The following FN1 variants were observed in gnomAD, a reference collection of about 807,000 sequenced individuals.
FN1 encodes fibronectin 1, also known as fibronectin.
Under a neutral mutation model 297.3 loss-of-function variants are expected in FN1, and 106 were observed. That is an observed-to-expected ratio of 0.36 (90% CI 0.30 to 0.42). The LOEUF is 0.42. FN1 is among the 10% of genes least tolerant of loss of function. FN1 has a pLI of 1.00. For synonymous variants in FN1, 1,149 were observed against 1,152.6 expected (o/e 1.00, Z 0.06); for missense variants, 2,690 against 3,124.9 (o/e 0.86, Z 3.32).
At chr2:215,421,953 T>A in intron 10 of FN1, 138 bp downstream of exon 10, 1 of 846,600 alleles carries the variant, frequency 1.2e-6, no homozygotes, top group Non-Finnish European at 2.0e-6. Context: ...TATCTTACCA[T>A]GCACAGTAGA....
rs2063220494 is a variant in FN1 at position 215,414,877 on chromosome 2, T to C, written c.1901A>G (p.Gln634Arg). 1 of 1,613,616 alleles carries C rather than the reference T, an allele frequency of 6.2e-7. No individual in the cohort carries two copies. The change falls in exon 13 of 46, where the codon CAG becomes CGG. Residue 634 changes from glutamine to arginine, a missense_variant. Around this residue, in one of 3 missense-constraint regions of FN1, gnomAD observed 876 missense variants for 1,058.1 expected, o/e 0.83. Transcript: ENST00000354785. ...NSHPIQWNAP[Q>R]PSHISKYILR... ...AATGTACTTGGAAATGTGAGATGGC[T>C]GTGGTGCATTCCACTGGATGGGGTG... is the stretch of plus-strand genomic sequence containing the variant.
At position 215,370,308 on chromosome 2, in the gene FN1, G is replaced by T. The variant is rs990526466; in HGVS notation, c.6839C>A (p.Thr2280Asn). 5.0e-6 allele frequency: 8 copies of T among 1,613,888 alleles called. No individual in the cohort carries two copies. The African/African-American group carries it at 1.1e-4, about 22-fold the overall frequency. ...TGTTTACATACCAGAGTTGCCCACGGTAACAACCTCTTCCCGAACCTTATG... is the reference window on the plus strand; with the variant it reads ...TGTTTACATACCAGAGTTGCCCACGTTAACAACCTCTTCCCGAACCTTATG... ...QRHKVREEVV[T>N]VGNSVNEGLN... The change falls in exon 41 of 46, where the codon ACC (threonine) becomes AAC (asparagine). Residue 2280 changes from threonine (T) to asparagine (N), a missense_variant. Thr to Asn is a moderately conservative substitution (Grantham distance 65, BLOSUM62 0). This residue lies in a region of FN1 where 1,743 missense variants were observed against 1,945.2 expected (regional missense o/e 0.90). Transcript: ENST00000354785.
At chr2:215,373,012 C>T (rs1470720360) in intron 39 of FN1, among the ~76,000 whole-genome samples, 1 of 151,944 alleles carries the variant, frequency 6.6e-6, no homozygotes, top group East Asian at 1.9e-4. Context: ...TAAAATTCAA[C>T]AGAAGGTATA....
chr2:215,379,255 A>G lies in FN1; in HGVS notation c.5497T>C (p.Trp1833Arg). The change falls in exon 34 of 46, where the codon TGG (tryptophan) becomes CGG (arginine). Residue 1833 changes from tryptophan to arginine, a missense_variant. Coordinates refer to ENST00000354785, the MANE Select transcript of FN1 (RefSeq NM_212482.4). ...GTGAGCTGAACATTGGGTGGTGTCC[A>G]CTGGGCGCTCAGGCTTGTGGGTGTG... Reference protein sequence around the residue: ...QVTPTSLSAQWTPPNVQLTGY... With the variant: ...QVTPTSLSAQRTPPNVQLTGY... 1.2e-6 allele frequency: 2 copies of G among 1,614,110 alleles called. No individual in the cohort carries two copies. The highest frequency in any genetic ancestry group is 1.7e-6 in the Non-Finnish European group (2 of 1,180,012).
Position 215,397,704 on chromosome 2 carries a change from G to C in FN1, c.3493C>G (p.Pro1165Ala), listed in dbSNP as rs900073564. The change falls in exon 22 of 46, where the codon CCA becomes GCA. Residue 1165 changes from proline to alanine, a missense_variant. Physicochemically the swap from Pro to Ala is conservative, Grantham distance 27. This residue lies in a region of FN1 where 1,743 missense variants were observed against 1,945.2 expected (regional missense o/e 0.90). Transcript: ENST00000354785. ...VLRDGQERDA[P>A]IVNKVVTPLS... ...CGTGTCACCACTTTGTTTACAATTG[G>C]CGCATCTCTTTCCTGTCCATCTCTC... is the stretch of plus-strand genomic sequence containing the variant. 3 of 1,614,072 alleles carry C rather than the reference G, an allele frequency of 1.9e-6. No individual in the cohort carries two copies. Among genetic ancestry groups the C allele is most frequent in the Non-Finnish European group, 2.5e-6 (3 of 1,179,944 alleles).
rs149326371 is a variant in FN1, at chr2:215,430,214, A to C, written c.685+501T>G. 1.2e-4 allele frequency among the ~76,000 whole-genome samples: 18 copies of C among 152,320 alleles called. No individual in the cohort carries two copies. The East Asian group carries it at 3.5e-3, about 29-fold the overall frequency. On this transcript the variant is annotated intron_variant, in intron 5 of 45. Coordinates refer to ENST00000354785, the MANE Select transcript of FN1 (RefSeq NM_212482.4). ...AACTCTCTAGCTGTTATTAGTTTAC[A>C]ATATCAAAAAAGGAGCCTTCAAACC...
intron 28 of FN1, among the ~76,000 whole-genome samples, chr2:215,385,534 C>A (rs1416662440): frequency 6.8e-6 from 1 of 146,348 alleles, no homozygotes; most frequent in Non-Finnish European, 1.5e-5. Context: ...TGCACTCCAG[C>A]CTGGGCGACA....
At chr2:215,426,179 C>T (rs1332515670) in intron 6 of FN1, among the ~76,000 whole-genome samples, 1 of 123,296 alleles carries the variant, frequency 8.1e-6, no homozygotes, top group East Asian at 2.7e-4. Context: ...GACGGAGTCT[C>T]ACTCTGTCAC....
chr2:215,430,877 C>T (rs373133692), intron 4 of FN1, 25 bp from the exon 5 acceptor site: 3 of 1,612,858 alleles, frequency 1.9e-6, no homozygotes, highest in Non-Finnish European at 2.5e-6. Flanking sequence ...GGAAGAAAAA[C>T]AGGAAAAAAA....
At chr2:215,428,746 C>T (rs1283931853) in intron 5 of FN1, among the ~76,000 whole-genome samples, 2 of 152,120 alleles carry the variant, frequency 1.3e-5, no homozygotes, top group Non-Finnish European at 2.9e-5. Flanking sequence ...AGGCTAAGCG[C>T]GGTGGCTCAC....
chr2:215,370,263 G>T (rs753281522), intron 41 of FN1, 31 bp downstream of exon 41: 4 of 1,611,794 alleles, frequency 2.5e-6, no homozygotes, highest in Middle Eastern at 1.7e-4. Flanking sequence ...GCAGAGGGGA[G>T]CCTGTGTCTA....
At chr2:215,423,843 C>T (rs991444721) in intron 8 of FN1, among the ~76,000 whole-genome samples, 1 of 151,948 alleles carries the variant, frequency 6.6e-6, no homozygotes, top group African/African-American at 2.4e-5. Flanking sequence ...CCTTTGTATT[C>T]CTCAGCCCTG....
chr2:215,373,671 CTTTT>C (rs58966623), intron 38 of FN1, among the ~76,000 whole-genome samples: 155 of 125,414 alleles, frequency 1.2e-3, no homozygotes, highest in East Asian at 9.7e-3. Flanking sequence ...CCAGGGTATT[CTTTT>C]TTTTTTTTTT....
intron 23 of FN1, among the ~76,000 whole-genome samples, chr2:215,395,620 AGAGTT>A (rs566218963): frequency 5.0e-4 from 76 of 152,230 alleles, no homozygotes; most frequent in African/African-American, 1.6e-3. Flanking sequence ...GGGCAGTAAA[AGAGTT>A]GAGAGGGATG....
chr2:215,423,300 A>T (rs1478318190), intron 9 of FN1, 50 bp downstream of exon 9: 1 of 1,590,710 alleles, frequency 6.3e-7, no homozygotes, highest in Non-Finnish European at 8.6e-7. Context: ...TTTAGTCTCT[A>T]CTCCCTAAAT....
At chr2:215,397,097 G>C in intron 23 of FN1, 40 bp downstream of exon 23, 1 of 1,219,376 alleles carries the variant, frequency 8.2e-7, no homozygotes, top group South Asian at 1.2e-5. Context: ...TCTTGGGAAG[G>C]TATGGTGTAT....
intron 13 of FN1, 57 bp downstream of exon 13, chr2:215,414,780 T>G: frequency 1.2e-6 from 2 of 1,608,654 alleles, no homozygotes; most frequent in Non-Finnish European, 1.7e-6. Flanking sequence ...AAAGAAACCA[T>G]CAGAATTGAT....
At chr2:215,373,779 A>G (rs1187452317) in intron 38 of FN1, among the ~76,000 whole-genome samples, 2 of 147,004 alleles carry the variant, frequency 1.4e-5, no homozygotes, top group African/African-American at 5.1e-5. Flanking sequence ...TCCCAGGTTC[A>G]GCCATTCTCC....
intron 36 of FN1, among the ~76,000 whole-genome samples, chr2:215,375,983 C>T (rs1365725223): frequency 6.6e-6 from 1 of 152,158 alleles, no homozygotes; most frequent in Non-Finnish European, 1.5e-5. Flanking sequence ...GGAAGAGGCC[C>T]TCTTGCAGAA....
Sources: gnomAD v4.1 joint callset for allele counts (sites outside exome capture counted in the v4.1 genomes callset) on GRCh38, gnomAD v4.1.1 for gene constraint, gnomAD v4.1.1 regional missense constraint, MANE v1.5 for transcripts, NCBI Gene and HGNC (gene_info 2026-07-23, HGNC 2026-07-21) for gene names.